Variants in SRPK3 observed in about 807,000 individuals in gnomAD.
SRPK3 encodes SRSF protein kinase 3.
A neutral mutation model predicts 45.3 loss-of-function variants in SRPK3; 26 were observed. That is an observed-to-expected ratio of 0.57 (90% CI 0.42 to 0.80). The LOEUF (loss-of-function observed/expected upper bound fraction) is 0.80. Ranked by LOEUF, SRPK3 falls within the 30% of genes least tolerant of loss-of-function variation. The pLI is 0.00. For synonymous variants in SRPK3, 254 were observed against 226.6 expected (o/e 1.12, Z -1.09); for missense variants, 536 against 514.5 (o/e 1.04, Z -0.40).
rs1557066702 is a variant in SRPK3 at position 153,781,234 on chromosome X, G to A, written c.78G>A (p.Gly26=). Residue 26 remains glycine (G), a synonymous_variant, in exon 2 of 15, where the codon GGG becomes GGA. Transcript: ENST00000370101. ...CCCGCAGCTCACAGGCCTCCTGCGG[G>A]CCCGAGTCCTCGGGCTCCGAACTAG... ...GSSSSSQASC[G]PESSGSELAL... is the part of the protein sequence containing the mutation. 1.7e-6 allele frequency: 2 copies of A among 1,208,429 alleles called. No individual in the cohort carries two copies. Among genetic ancestry groups the A allele is most frequent in the Non-Finnish European group, 2.2e-6 (2 of 894,127 alleles).
In SRPK3 at chrX:153,783,193, T is replaced by TCCCCCCCCCCCCCCCC; in HGVS notation, c.749-25_749-24insCCCCCCCCCCCCCCCC. 9.1e-6 allele frequency: 4 copies of TCCCCCCCCCCCCCCCC among 439,167 alleles called. No homozygotes were observed. In the Admixed American group the frequency reaches 1.7e-4, roughly 19 times the overall value. The allele number at this position is 439,167 out of a possible 1,213,427, so 36.2% of individuals were successfully genotyped here. A position where few individuals can be genotyped will look rare whatever the true frequency, so the allele number is the denominator to read the frequency against. On this transcript the variant is annotated intron_variant, in intron 7 of 14. Coordinates refer to ENST00000370101, the MANE Select transcript of SRPK3 (RefSeq NM_014370.4). Reference sequence around the variant, plus strand: ...CTGCCTGAGTCTCTGTTCCTCCCTGTCCCCCCCCACCGCTCCCCACCTGCA... The same window carrying TCCCCCCCCCCCCCCCC: ...CTGCCTGAGTCTCTGTTCCTCCCTGTCCCCCCCCCCCCCCCCCCCCCCCCACCGCTCCCCACCTGCA...
chrX:153,784,528 G>C, intron 11 of SRPK3, 134 bp downstream of exon 11: 12 of 803,947 alleles, frequency 1.5e-5, no homozygotes, highest in Non-Finnish European at 2.2e-5. Flanking sequence ...GTCCTGCCCA[G>C]TCAACAGCAC....
chrX:153,784,142 C>G lies in SRPK3; in HGVS notation c.1076C>G (p.Ser359Cys). 1 of 1,210,808 alleles carries G rather than the reference C, an allele frequency of 8.3e-7. No individual in the cohort carries two copies. The highest frequency in any genetic ancestry group is 1.1e-6 in the Non-Finnish European group (1 of 895,560). Residue 359 changes from serine to cysteine, a missense_variant, in exon 10 of 15, where the codon TCT (serine) becomes TGT (cysteine). By Grantham distance (112) the Ser-to-Cys change is moderately radical. Coordinates refer to ENST00000370101, the MANE Select transcript of SRPK3 (RefSeq NM_014370.4). ...QTSGFSGSLF[S>C]PASCSILSGS... The stretch of plus-strand genomic sequence containing the variant: ...TCAGGCTTCTCCGGCTCCCTCTTCT[C>G]TCCTGCCTCCTGCTCCATCCTCTCC...
chrX:153,784,910 A>G, intron 12 of SRPK3, 24 bp from the exon 13 acceptor site: 3 of 1,210,671 alleles, frequency 2.5e-6, no homozygotes, highest in Non-Finnish European at 3.4e-6. Flanking sequence ...ACCAGCCAGC[A>G]GCCTCACCTC....
At chrX:153,782,408 C>T (rs782801207) in intron 5 of SRPK3, among the ~76,000 whole-genome samples, 200 bp downstream of exon 5, 3 of 113,125 alleles carry the variant, frequency 2.7e-5, no homozygotes, top group African/African-American at 9.6e-5. Flanking sequence ...TGTCCATGGA[C>T]GTTGCTATTA....
intron 5 of SRPK3, 92 bp downstream of exon 5, chrX:153,782,300 C>T (rs1557067227): frequency 7.7e-6 from 6 of 780,818 alleles, no homozygotes; most frequent in Non-Finnish European, 1.2e-5. Context: ...CAGACCCGCA[C>T]AATGGGCTTG....
In SRPK3 at chrX:153,783,219, C is replaced by T. The variant is rs2092063172; in HGVS notation, c.749-7C>T. On this transcript the variant is annotated splice_polypyrimidine_tract_variant and splice_region_variant and intron_variant, in intron 7 of 14. Coordinates refer to ENST00000370101, the MANE Select transcript of SRPK3 (RefSeq NM_014370.4). ...CCCCCCCCACCGCTCCCCACCTGCA[C>T]TCCCAGTCAGCACTGCCCCCCAGGA... The T allele has an allele frequency of 1.7e-6, 2 of 1,152,423 alleles. No individual in the cohort carries two copies. The highest frequency in any genetic ancestry group is 1.8e-5 in the African/African-American group (1 of 54,862). 95.0% of individuals were successfully genotyped at this position (1,152,423 alleles called of 1,213,427 possible). A position where few individuals can be genotyped will look rare whatever the true frequency, so the allele number is the denominator to read the frequency against.
rs1557068307 is a variant in SRPK3, at chrX:153,784,658, T to A, written c.1249-92T>A. 3 of 1,067,158 alleles carry A rather than the reference T, an allele frequency of 2.8e-6. No homozygotes were observed. The African/African-American group carries it at 5.5e-5, about 20-fold the overall frequency. 87.9% of individuals were successfully genotyped at this position (1,067,158 alleles called of 1,213,427 possible). ...AGGCTCACAGCAAACCCCACTGAGC[T>A]CCTCGGGTAGGCGGATCGGGGTGGG... On this transcript the variant is annotated intron_variant, in intron 11 of 14. Transcript: ENST00000370101.
intron 4 of SRPK3, 57 bp downstream of exon 4, chrX:153,781,887 A>G: frequency 8.6e-7 from 1 of 1,162,920 alleles, no homozygotes; most frequent in Non-Finnish European, 1.2e-6. Context: ...GGGCCTGGCA[A>G]TGCGGGTGCA....
rs782791740 is a variant in SRPK3, at chrX:153,783,268, C to T, written c.774+17C>T. The T allele has an allele frequency of 1.5e-5, 18 of 1,186,915 alleles. 1 individual carries two copies. The highest frequency in any genetic ancestry group is 3.2e-4 in the Middle Eastern group (1 of 3,088). Reference sequence around the variant, plus strand: ...GAGGTCTTGGTAAGTTGGGGGGCCCCTCTCTCCCATGCCTCCTCTCCCATC... The same window carrying T: ...GAGGTCTTGGTAAGTTGGGGGGCCCTTCTCTCCCATGCCTCCTCTCCCATC... On this transcript the variant is annotated intron_variant, in intron 8 of 14. Coordinates refer to ENST00000370101, the MANE Select transcript of SRPK3 (RefSeq NM_014370.4).
intron 7 of SRPK3, 34 bp from the exon 8 acceptor site, chrX:153,783,192 G>GCCCCCCCCCCCC (rs781851056): frequency 3.1e-6 from 3 of 959,829 alleles, no homozygotes; most frequent in African/African-American, 2.0e-5. Flanking sequence ...GTTCCTCCCT[G>GCCCCCCCCCCCC]TCCCCCCCCA....
rs782579134 is a variant in SRPK3 at position 153,781,794 on chromosome X, G to A, written c.351G>A (p.Thr117=). The A allele has an allele frequency of 2.1e-5, 25 of 1,210,524 alleles. No individual in the cohort carries two copies. Among genetic ancestry groups the A allele is most frequent in the Middle Eastern group, 4.6e-4 (2 of 4,375 alleles). The part of the protein sequence containing the change: ...LKVVKSAGHY[T]ETAVDEIKLL... ...TGGTGAAGAGTGCGGGGCATTACACGGAGACAGCTGTGGATGAGATCAAGC... is the reference window on the plus strand; with the variant it reads ...TGGTGAAGAGTGCGGGGCATTACACAGAGACAGCTGTGGATGAGATCAAGC... Residue 117 remains threonine, a synonymous_variant, in exon 4 of 15, where the codon ACG becomes ACA. Transcript: ENST00000370101.
chrX:153,784,564 C>A, intron 11 of SRPK3, 170 bp downstream of exon 11: 1 of 708,439 alleles, frequency 1.4e-6, no homozygotes, highest in Non-Finnish European at 2.1e-6. Flanking sequence ...GGGCAGGGGC[C>A]ACTAGGAAGG....
At position 153,781,231 on chromosome X, in the gene SRPK3, C is replaced by G; in HGVS notation, c.75C>G (p.Cys25Trp). The change falls in exon 2 of 15, where the codon TGC (cysteine) becomes TGG (tryptophan). Residue 25 changes from cysteine to tryptophan, a missense_variant. By Grantham distance (215) the Cys-to-Trp change is radical. Transcript: ENST00000370101. ...CCACCCGCAGCTCACAGGCCTCCTG[C>G]GGGCCCGAGTCCTCGGGCTCCGAAC... Reference protein sequence around the residue: ...GGSSSSSQASCGPESSGSELA... With the variant: ...GGSSSSSQASWGPESSGSELA... 8.3e-7 allele frequency: 1 copy of G among 1,207,743 alleles called. No individual in the cohort carries two copies. The highest frequency in any genetic ancestry group is 1.7e-5 in the African/African-American group (1 of 57,834).
At chrX:153,783,280 C>T (rs782157672) in intron 8 of SRPK3, 29 bp downstream of exon 8, 2 of 1,151,593 alleles carry the variant, frequency 1.7e-6, no homozygotes, top group Non-Finnish European at 2.3e-6. Flanking sequence ...CTCTCCCATG[C>T]CTCCTCTCCC....
At chrX:153,783,193 T>TCCCCCCCCCCCCCCCCCCCCC in intron 7 of SRPK3, 33 bp from the exon 8 acceptor site, 1 of 439,174 alleles carries the variant, frequency 2.3e-6, no homozygotes, top group Non-Finnish European at 3.2e-6. Context: ...TTCCTCCCTG[T>TCCCCCCCCCCCCCCCCCCCCC]CCCCCCCCAC....
chrX:153,783,039 G>A lies in SRPK3; in HGVS notation c.669G>A (p.Gly223=), dbSNP rs782586390. Residue 223 remains glycine (G), a synonymous_variant, in exon 7 of 15, where the codon GGG becomes GGA. Coordinates refer to ENST00000370101, the MANE Select transcript of SRPK3 (RefSeq NM_014370.4). ...IKPENILLCV[G]DAYIRRLAAE... ...CCGAGAACATCTTGCTGTGTGTGGG[G>A]GACGCTTACATCAGGCGCCTGGCTG... The A allele has an allele frequency of 8.5e-7, 1 of 1,182,817 alleles. No individual in the cohort carries two copies. Among genetic ancestry groups the A allele is most frequent in the East Asian group, 3.0e-5 (1 of 33,434 alleles).
Position 153,784,919 on chromosome X carries a change from T to G in SRPK3, c.1357-15T>G. On this transcript the variant is annotated splice_polypyrimidine_tract_variant and intron_variant, in intron 12 of 14. Transcript: ENST00000370101. ...CAGCCCACCAGCCAGCAGCCTCACCTCCTCCCCCTTCCAGGCCTTCGAGCT... is the reference window on the plus strand; with the variant it reads ...CAGCCCACCAGCCAGCAGCCTCACCGCCTCCCCCTTCCAGGCCTTCGAGCT... The G allele has an allele frequency of 1.7e-6, 2 of 1,209,369 alleles. No individual in the cohort carries two copies. Among genetic ancestry groups the G allele is most frequent in the Non-Finnish European group, 1.1e-6 (1 of 894,768 alleles).
chrX:153,781,691 C>A, intron 3 of SRPK3, 52 bp from the exon 4 acceptor site: 1 of 1,204,222 alleles, frequency 8.3e-7, no homozygotes, highest in Non-Finnish European at 1.1e-6. Flanking sequence ...CACCCTGATC[C>A]CCGCCGTGGG....
Sources: gnomAD v4.1 joint callset for allele counts (sites outside exome capture counted in the v4.1 genomes callset) on GRCh38, gnomAD v4.1.1 for gene constraint, MANE v1.5 for transcripts, NCBI Gene and HGNC (gene_info 2026-07-23, HGNC 2026-07-21) for gene names.